The following MGAT4C variants were observed in gnomAD, a reference collection of about 807,000 sequenced individuals.
MGAT4C encodes the protein MGAT4 family member C, also known as alpha-1,3-mannosyl-glycoprotein 4-beta-N-acetylglucosaminyltransferase C.
MGAT4C carries 19 observed loss-of-function variants against 40.1 expected under a neutral mutation model. The ratio of observed to expected loss-of-function variants is 0.47; its 90% CI spans 0.33 to 0.70. The LOEUF is 0.70. MGAT4C is among the 30% of genes least tolerant of loss of function. The probability of loss-of-function intolerance (pLI) is 0.02; values close to 1 mark genes in which losing one functional copy is unlikely to be tolerated. For missense variants in MGAT4C, 491 were observed against 563.2 expected (o/e 0.87, Z 1.30); for synonymous variants, 181 against 187.1 (o/e 0.97, Z 0.27).
intron 1 of MGAT4C, among the ~76,000 whole-genome samples, chr12:86,748,762 T>C (rs995386688): frequency 6.6e-6 from 1 of 151,572 alleles, no homozygotes; most frequent in Non-Finnish European, 1.5e-5. Flanking sequence ...GGATTTTTTT[T>C]AAACATTTAC....
intron 1 of MGAT4C, among the ~76,000 whole-genome samples, chr12:86,238,703 G>C (rs1196639899): frequency 6.6e-6 from 1 of 152,032 alleles, no homozygotes; most frequent in East Asian, 1.9e-4. Context: ...TACTTTTTCA[G>C]TCACAAGAGA....
At chr12:86,185,495 T>C (rs1888659082) in intron 1 of MGAT4C, among the ~76,000 whole-genome samples, 1 of 152,128 alleles carries the variant, frequency 6.6e-6, no homozygotes. Context: ...AGGTTCTCTG[T>C]AGATATACAC....
At chr12:86,464,910 A>G (rs1350830592) in intron 2 of MGAT4C, among the ~76,000 whole-genome samples, 1 of 152,080 alleles carries the variant, frequency 6.6e-6, no homozygotes, top group Non-Finnish European at 1.5e-5. Flanking sequence ...TATTTATATG[A>G]TATACTATAA....
chr12:86,782,473 GC>G (rs34033823), intron 1 of MGAT4C, among the ~76,000 whole-genome samples: 1 of 151,942 alleles, frequency 6.6e-6, no homozygotes, highest in Non-Finnish European at 1.5e-5. Context: ...GAGCCACCGC[GC>G]CCAGACCTAG....
chr12:86,031,110 A>AT (rs143893338), intron 2 of MGAT4C, among the ~76,000 whole-genome samples: 20 of 150,528 alleles, frequency 1.3e-4, no homozygotes, highest in African/African-American at 3.9e-4. Flanking sequence ...ATTATAAATA[A>AT]TTTTTTTTTT....
chr12:86,211,582 C>T (rs1336007701), intron 1 of MGAT4C, among the ~76,000 whole-genome samples: 5 of 151,146 alleles, frequency 3.3e-5, no homozygotes, highest in East Asian at 2.0e-4. Context: ...GGGAGACTCC[C>T]TCTCAAAACA....
chr12:86,060,223 C>T (rs1366866808), intron 1 of MGAT4C, among the ~76,000 whole-genome samples: 1 of 152,118 alleles, frequency 6.6e-6, no homozygotes, highest in African/African-American at 2.4e-5. Context: ...TAAATTGTCA[C>T]TTCATTGAAA....
intron 2 of MGAT4C, among the ~76,000 whole-genome samples, chr12:86,611,682 T>A (rs1467290737): frequency 6.6e-6 from 1 of 152,182 alleles, no homozygotes; most frequent in East Asian, 1.9e-4. Context: ...TAGTTCAATA[T>A]AGAAAATTGC....
At chr12:86,654,339 G>A (rs566497133) in intron 2 of MGAT4C, among the ~76,000 whole-genome samples, 38 of 31,348 alleles carry the variant, frequency 1.2e-3, no homozygotes, top group African/African-American at 1.8e-3. Context: ...ATAAGTTTGT[G>A]GGGTTTTTTT....
At chr12:86,029,119 C>T (rs746347692) in intron 2 of MGAT4C, among the ~76,000 whole-genome samples, 12 of 151,892 alleles carry the variant, frequency 7.9e-5, no homozygotes, top group Admixed American at 2.6e-4. Context: ...TGATGATCTC[C>T]GATATTATAT....
intron 2 of MGAT4C, among the ~76,000 whole-genome samples, chr12:86,515,767 C>A (rs1958674318): frequency 2.8e-5 from 4 of 140,624 alleles, no homozygotes; most frequent in African/African-American, 5.4e-5. Context: ...GAGACGGAGT[C>A]TCGCTCTGTC....
chr12:86,040,817 T>C (rs1891749255), intron 2 of MGAT4C, among the ~76,000 whole-genome samples: 1 of 152,096 alleles, frequency 6.6e-6, no homozygotes, highest in Admixed American at 6.5e-5. Flanking sequence ...AGGATCCTGG[T>C]GGTGTGGGCA....
Position 86,828,318 on chromosome 12 carries a change from C to T in MGAT4C, c.-262+10348G>A, listed in dbSNP as rs1382988713. Among the ~76,000 whole-genome samples, 3 of 150,774 alleles carry T rather than the reference C, an allele frequency of 2.0e-5. No homozygotes were observed. The East Asian group carries it at 5.9e-4, about 29-fold the overall frequency. On this transcript the variant is annotated intron_variant, in intron 1 of 7. Transcript: ENST00000548651. ...TATATGTTTATCATTTATATTTTTA[C>T]TCCGAGATATGTTAAACAAGTAAGG...
At position 85,964,837 on chromosome 12, in the gene MGAT4C, C is replaced by G. The variant is rs1034848213; in HGVS notation, c.*14452G>C. 6 of 152,064 alleles carry G rather than the reference C, an allele frequency of 3.9e-5. No homozygotes were observed. The highest frequency in any genetic ancestry group is 1.4e-4 in the African/African-American group (6 of 41,412). The allele number at this position is 152,064 out of a possible 1,614,324, so 9.4% of individuals were successfully genotyped here. ...ATGTGATTTATTAAAAGTTCTCCATCCCAAAATATATGTCCCATCTGTGGG... is the reference window on the plus strand; with the variant it reads ...ATGTGATTTATTAAAAGTTCTCCATGCCAAAATATATGTCCCATCTGTGGG... On this transcript the variant is annotated 3_prime_UTR_variant, in exon 5 of 5. Coordinates refer to ENST00000611864, the MANE Select transcript of MGAT4C (RefSeq NM_001351288.2).
At position 86,138,562 on chromosome 12, in the gene MGAT4C, A is replaced by G. The variant is rs532985079; in HGVS notation, c.-56-88839T>C. ...ATTTCCATAGATATATCATGTATAT[A>G]TTTCCATAGATATATCATATATATA... On this transcript the variant is annotated intron_variant, in intron 1 of 4. Coordinates refer to ENST00000611864, the MANE Select transcript of MGAT4C (RefSeq NM_001351288.2). Among the ~76,000 whole-genome samples, 30 of 147,574 alleles carry G rather than the reference A, an allele frequency of 2.0e-4. No individual in the cohort carries two copies. In the East Asian group the frequency reaches 5.3e-3, roughly 26 times the overall value.
chr12:86,347,755 C>G (rs1955071666), intron 3 of MGAT4C, among the ~76,000 whole-genome samples: 1 of 152,150 alleles, frequency 6.6e-6, no homozygotes, highest in South Asian at 2.1e-4. Context: ...AAAATCGGAC[C>G]ATAAGCATAG....
chr12:86,803,293 A>G (rs1206931626), intron 1 of MGAT4C, among the ~76,000 whole-genome samples: 5 of 151,290 alleles, frequency 3.3e-5, no homozygotes, highest in African/African-American at 7.3e-5. Context: ...TAAACGTTAG[A>G]CCTAAAACCA....
intron 1 of MGAT4C, among the ~76,000 whole-genome samples, chr12:86,077,653 T>C (rs1248280872): frequency 6.6e-6 from 1 of 152,180 alleles, no homozygotes; most frequent in East Asian, 1.9e-4. Context: ...CATAGTTTTT[T>C]CCTGATGGAG....
At chr12:86,218,024 A>C (rs1201223725) in intron 1 of MGAT4C, among the ~76,000 whole-genome samples, 2 of 152,050 alleles carry the variant, frequency 1.3e-5, no homozygotes, top group African/African-American at 4.8e-5. Flanking sequence ...CAAAACTAGA[A>C]TGTGACCTCT....
Sources: allele counts gnomAD v4.1 joint callset (sites outside exome capture counted in the v4.1 genomes callset), GRCh38; gene constraint gnomAD v4.1.1; transcripts MANE v1.5; gene names NCBI Gene and HGNC (gene_info 2026-07-23, HGNC 2026-07-21).